Variants in TOGARAM1 observed in about 807,000 individuals in gnomAD.
TOGARAM1 encodes the protein TOG array regulator of axonemal microtubules protein 1.
A neutral mutation model predicts 166.6 loss-of-function variants in TOGARAM1; 100 were observed. The ratio of observed to expected loss-of-function variants is 0.60; its 90% CI spans 0.51 to 0.71. TOGARAM1 has a LOEUF of 0.71. Among genes scored for constraint, TOGARAM1 ranks in the 30% least tolerant of loss-of-function variants. The probability of loss-of-function intolerance (pLI) is 0.00; values close to 1 mark genes in which losing one functional copy is unlikely to be tolerated. For missense variants in TOGARAM1, 2,029 were observed against 2,102.7 expected (o/e 0.96, Z 0.69); for synonymous variants, 758 against 763.8 (o/e 0.99, Z 0.13).
At chr14:44,976,847 C>T (rs1313019492) in intron 1 of TOGARAM1, among the ~76,000 whole-genome samples, 1 of 152,038 alleles carries the variant, frequency 6.6e-6, no homozygotes, top group East Asian at 1.9e-4. Context: ...TTACAGTTTC[C>T]TTCAGAAATA....
intron 1 of TOGARAM1, among the ~76,000 whole-genome samples, chr14:44,978,825 A>G (rs1455513959): frequency 1.3e-5 from 2 of 151,240 alleles, no homozygotes; most frequent in South Asian, 2.1e-4. Flanking sequence ...GAGAAAAAAA[A>G]AAGAAGAAGA....
intron 10 of TOGARAM1, among the ~76,000 whole-genome samples, chr14:45,028,588 C>T (rs537373471): frequency 6.6e-5 from 10 of 152,222 alleles, no homozygotes; most frequent in Middle Eastern, 3.4e-3. Context: ...TCCTGTTTTA[C>T]TGAGGAGTGG....
At chr14:44,992,408 A>C (rs1887190765) in intron 1 of TOGARAM1, among the ~76,000 whole-genome samples, 1 of 152,042 alleles carries the variant, frequency 6.6e-6, no homozygotes, top group South Asian at 2.1e-4. Context: ...ACTGGAGGTC[A>C]AGATAAAGTT....
intron 19 of TOGARAM1, among the ~76,000 whole-genome samples, chr14:45,072,092 A>G (rs1238352604): frequency 6.6e-6 from 1 of 152,218 alleles, no homozygotes; most frequent in African/African-American, 2.4e-5. Flanking sequence ...GATGAGGTGC[A>G]GTGGAAGGAA....
At chr14:45,007,853 G>GT (rs1879550422) in intron 5 of TOGARAM1, 1 of 152,136 alleles carries the variant, frequency 6.6e-6, no homozygotes, top group East Asian at 1.9e-4. Flanking sequence ...CATCTATTAT[G>GT]TTTTTTGTTT....
At chr14:44,972,868 C>T (rs1337477565) in intron 1 of TOGARAM1, among the ~76,000 whole-genome samples, 2 of 152,028 alleles carry the variant, frequency 1.3e-5, no homozygotes, top group African/African-American at 4.8e-5. Context: ...TACAGTAAGT[C>T]CTCAAATAAC....
chr14:44,998,290 A>G (rs1362058322), intron 2 of TOGARAM1, among the ~76,000 whole-genome samples: 1 of 152,278 alleles, frequency 6.6e-6, no homozygotes. Flanking sequence ...ACAACTGGAA[A>G]ATAAGACAAT....
chr14:44,993,298 C>T (rs1382701182), intron 1 of TOGARAM1, among the ~76,000 whole-genome samples: 2 of 150,664 alleles, frequency 1.3e-5, no homozygotes, highest in Non-Finnish European at 3.0e-5. Context: ...AAAACAAAAA[C>T]AAAAACAAAA....
intron 1 of TOGARAM1, among the ~76,000 whole-genome samples, chr14:44,973,773 G>A (rs1328595475): frequency 6.7e-6 from 1 of 150,186 alleles, no homozygotes; most frequent in East Asian, 1.9e-4. Context: ...ATTTCCCAGG[G>A]TATAGACTTC....
intron 11 of TOGARAM1, among the ~76,000 whole-genome samples, chr14:45,043,015 G>C (rs1881805019): frequency 6.6e-6 from 1 of 152,106 alleles, no homozygotes; most frequent in Non-Finnish European, 1.5e-5. Flanking sequence ...GAATCATACT[G>C]GTTTTGAAAG....
chr14:45,038,478 G>A (rs1021340786), intron 11 of TOGARAM1, among the ~76,000 whole-genome samples: 4 of 152,232 alleles, frequency 2.6e-5, no homozygotes, highest in African/African-American at 9.6e-5. Flanking sequence ...GTTGTGGCAG[G>A]ATAAGCAACT....
At chr14:45,052,342 G>C in intron 14 of TOGARAM1, 94 bp from the exon 15 acceptor site, 1 of 951,070 alleles carries the variant, frequency 1.1e-6, no homozygotes, top group Non-Finnish European at 1.6e-6. Flanking sequence ...TGTTTGATAG[G>C]TGTTTTTTTT....
In TOGARAM1 at chr14:44,964,296, CTG is replaced by C; in HGVS notation, c.1878_1879del (p.Cys626TrpfsTer2). On this transcript the variant is annotated frameshift_variant, in exon 1 of 20. Coordinates refer to ENST00000361462, the MANE Select transcript of TOGARAM1 (RefSeq NM_001308120.2). LOFTEE classifies it high-confidence loss of function. ...ACAGAACTCAGAGTGCACACTGTCACTGTGGTGACCACGTGAGGGATAGCATG... is the reference window on the plus strand; with the variant it reads ...ACAGAACTCAGAGTGCACACTGTCACTGGTGACCACGTGAGGGATAGCATG... ...GNRTQSAHCH[C>X]GDHVRDSMHI... 6.2e-7 allele frequency: 1 copy of C among 1,614,176 alleles called. No individual in the cohort carries two copies. Among genetic ancestry groups the C allele is most frequent in the Non-Finnish European group, 8.5e-7 (1 of 1,180,028 alleles).
intron 1 of TOGARAM1, among the ~76,000 whole-genome samples, chr14:44,984,980 GAC>G (rs1178013318): frequency 6.6e-6 from 1 of 151,718 alleles, no homozygotes; most frequent in Non-Finnish European, 1.5e-5. Flanking sequence ...TTTCCTGTCA[GAC>G]ACAGAGAAAA....
chr14:44,966,892 C>T (rs928063235), intron 1 of TOGARAM1, among the ~76,000 whole-genome samples: 17 of 152,276 alleles, frequency 1.1e-4, no homozygotes, highest in East Asian at 9.7e-4. Context: ...GAGTTCCAGA[C>T]TGCAGCAGTG....
chr14:45,053,148 C>T (rs1882461039), intron 15 of TOGARAM1, among the ~76,000 whole-genome samples: 1 of 151,144 alleles, frequency 6.6e-6, no homozygotes, highest in Admixed American at 6.6e-5. Context: ...AAGCGATTCT[C>T]CTGCCTCAGC....
At chr14:45,045,298 T>C (rs1881930457) in intron 13 of TOGARAM1, among the ~76,000 whole-genome samples, 1 of 151,648 alleles carries the variant, frequency 6.6e-6, no homozygotes, top group South Asian at 2.1e-4. Context: ...TGTGTAGTTT[T>C]TATCCCTCGC....
At chr14:45,049,713 T>C (rs1454737435) in intron 14 of TOGARAM1, among the ~76,000 whole-genome samples, 1 of 152,210 alleles carries the variant, frequency 6.6e-6, no homozygotes, top group Non-Finnish European at 1.5e-5. Flanking sequence ...CAGGACATCT[T>C]TGGGGAACCA....
chr14:44,992,073 A>T (rs77924226), intron 1 of TOGARAM1, among the ~76,000 whole-genome samples: 34 of 6,630 alleles, frequency 5.1e-3, no homozygotes, highest in East Asian at 0.033. Flanking sequence ...CCTGTCTGTT[A>T]AAAAAAAAAA....
Sources: allele counts gnomAD v4.1 joint callset (sites outside exome capture counted in the v4.1 genomes callset), GRCh38; gene constraint gnomAD v4.1.1; transcripts MANE v1.5; gene names NCBI Gene and HGNC (gene_info 2026-07-23, HGNC 2026-07-21).